WDR45B: variants seen among roughly 807,000 people sequenced by gnomAD.
The protein encoded by WDR45B is WD repeat domain 45B.
Under a neutral mutation model 44.6 loss-of-function variants are expected in WDR45B, and 20 were observed. The ratio of observed to expected loss-of-function variants is 0.45; its 90% CI spans 0.32 to 0.65. WDR45B has a LOEUF of 0.65. Ranked by LOEUF, WDR45B falls within the 30% of genes least tolerant of loss-of-function variation. The pLI is 0.05. For synonymous variants in WDR45B, 169 were observed against 164.9 expected, an observed-to-expected ratio of 1.02 and a Z score of -0.19; for missense variants, 323 against 430.2, an observed-to-expected ratio of 0.75 and a Z score of 2.20.
At chr17:82,623,107 T>TA (rs1340213709) in intron 5 of WDR45B, among the ~76,000 whole-genome samples, 1 of 152,144 alleles carries the variant, frequency 6.6e-6, no homozygotes, top group Non-Finnish European at 1.5e-5. Flanking sequence ...AAAGAATTCT[T>TA]ACGGCCGGGC....
chr17:82,629,419 C>T (rs1169840620), intron 3 of WDR45B: 5 of 813,126 alleles, frequency 6.1e-6, no homozygotes, highest in Non-Finnish European at 7.4e-6. Flanking sequence ...GGAACCTCCG[C>T]TGTCCCTTCT....
chr17:82,626,831 G>T, intron 4 of WDR45B: 1 of 301,542 alleles, frequency 3.3e-6, no homozygotes, highest in South Asian at 3.5e-5. Context: ...AACCTTTATT[G>T]AGAGGCAGCA....
In WDR45B at chr17:82,642,238, C is replaced by T. The variant is rs199774863; in HGVS notation, c.142+1711G>A. ...ACGCAAGCAGCAGGCGAACAAGCAT[C>T]CCCACCAAGCTCTGCCCCGACAGAT... is the stretch of plus-strand genomic sequence containing the variant. On this transcript the variant is annotated intron_variant, in intron 2 of 9. Transcript: ENST00000392325. 4.6e-5 allele frequency among the ~76,000 whole-genome samples: 7 copies of T among 152,282 alleles called. No individual in the cohort carries two copies. In the East Asian group the frequency reaches 1.4e-3, roughly 29 times the overall value.
intron 4 of WDR45B, among the ~76,000 whole-genome samples, chr17:82,626,537 A>AAAG (rs1167994368): frequency 1.2e-4 from 10 of 82,034 alleles, no homozygotes; most frequent in African/African-American, 3.2e-4. Context: ...ATCTCCCAAA[A>AAAG]AAAAAAAAAA....
intron 1 of WDR45B, among the ~76,000 whole-genome samples, 179 bp downstream of exon 1, chr17:82,648,095 C>T (rs1359089721): frequency 1.3e-5 from 2 of 149,508 alleles, no homozygotes; most frequent in Admixed American, 6.7e-5. Flanking sequence ...GACCCCGGCT[C>T]GGGCTGGGAG....
intron 8 of WDR45B, 145 bp downstream of exon 8, chr17:82,617,151 T>C (rs2045548075): frequency 2.9e-5 from 22 of 771,518 alleles, no homozygotes; most frequent in Admixed American, 1.9e-4. Context: ...AATATAAAAT[T>C]AAATGAAAAA....
At chr17:82,621,515 C>G in intron 6 of WDR45B, 94 bp downstream of exon 6, 1 of 1,547,336 alleles carries the variant, frequency 6.5e-7, no homozygotes, top group Admixed American at 1.7e-5. Context: ...GGGGCAGGCC[C>G]ACTGCCTTTT....
chr17:82,628,181 T>C (rs989520129), intron 3 of WDR45B, among the ~76,000 whole-genome samples: 1 of 152,112 alleles, frequency 6.6e-6, no homozygotes, highest in Non-Finnish European at 1.5e-5. Context: ...TTGGTAGAGA[T>C]GGGGTTTTAC....
At chr17:82,626,214 C>T (rs562685280) in intron 4 of WDR45B, among the ~76,000 whole-genome samples, 2 of 150,688 alleles carry the variant, frequency 1.3e-5, no homozygotes, top group East Asian at 2.0e-4. Context: ...TAAATATTGA[C>T]GTTATTAAAA....
intron 2 of WDR45B, among the ~76,000 whole-genome samples, chr17:82,634,082 C>T (rs2045802363): frequency 1.6e-5 from 2 of 128,024 alleles, no homozygotes; most frequent in Admixed American, 1.0e-4. Context: ...ACCCGGGAAG[C>T]GGACGTTGCA....
chr17:82,636,283 GACAA>G lies in WDR45B; in HGVS notation c.143-5265_143-5262del, dbSNP rs1377435758. Reference sequence around the variant, plus strand: ...CTCAAAAAAAAAAAAAAAAAAAGAAGACAAACACAGTCAGTCACAGGCACAGTTA... The same window carrying G: ...CTCAAAAAAAAAAAAAAAAAAAGAAGACACAGTCAGTCACAGGCACAGTTA... On this transcript the variant is annotated intron_variant, in intron 2 of 9. Transcript: ENST00000392325. Among the ~76,000 whole-genome samples, 116 of 133,254 alleles carry G rather than the reference GACAA, an allele frequency of 8.7e-4. 2 individuals carry two copies. The highest frequency in any genetic ancestry group is 3.2e-3 in the African/African-American group (113 of 34,838). 87.4% of individuals were successfully genotyped at this position (133,254 alleles called of 152,430 possible). A position where few individuals can be genotyped will look rare whatever the true frequency, so the allele number is the denominator to read the frequency against.
chr17:82,632,811 T>C (rs1156886631), intron 2 of WDR45B, among the ~76,000 whole-genome samples: 1 of 152,130 alleles, frequency 6.6e-6, no homozygotes, highest in East Asian at 1.9e-4. Context: ...GAGGACTGCT[T>C]GAGCCCAAGA....
chr17:82,646,129 A>C (rs2045972020), intron 1 of WDR45B, among the ~76,000 whole-genome samples: 1 of 151,370 alleles, frequency 6.6e-6, no homozygotes. Context: ...GAAAAAGAAA[A>C]AAAAAAAGAT....
At chr17:82,641,633 A>G (rs891492631) in intron 2 of WDR45B, among the ~76,000 whole-genome samples, 1 of 152,196 alleles carries the variant, frequency 6.6e-6, no homozygotes, top group African/African-American at 2.4e-5. Flanking sequence ...GCGGTGGCTC[A>G]TGCCTGTAAT....
intron 4 of WDR45B, 134 bp downstream of exon 4, chr17:82,627,070 T>C (rs1179463726): frequency 1.7e-5 from 14 of 803,198 alleles, no homozygotes; most frequent in Non-Finnish European, 2.6e-5. Flanking sequence ...TATATCCTTA[T>C]GGTCATAAAA....
intron 1 of WDR45B, among the ~76,000 whole-genome samples, chr17:82,646,344 A>C (rs1485203841): frequency 6.6e-6 from 1 of 150,760 alleles, no homozygotes; most frequent in South Asian, 2.1e-4. Context: ...AAAATTAGCC[A>C]GGCATGGTGG....
intron 2 of WDR45B, among the ~76,000 whole-genome samples, chr17:82,642,401 CCCT>C (rs905802984): frequency 3.3e-5 from 5 of 152,152 alleles, no homozygotes; most frequent in Admixed American, 1.3e-4. Context: ...GAAACCATCC[CCCT>C]ATGAAAAAAA....
intron 3 of WDR45B, among the ~76,000 whole-genome samples, chr17:82,628,388 G>A (rs750699793): frequency 1.2e-4 from 18 of 152,038 alleles, no homozygotes; most frequent in Non-Finnish European, 1.3e-4. Flanking sequence ...TGTTCTAAGG[G>A]CTAATGTACC....
chr17:82,623,905 C>T (rs1366005192), intron 5 of WDR45B, among the ~76,000 whole-genome samples: 2 of 151,948 alleles, frequency 1.3e-5, no homozygotes, highest in African/African-American at 2.4e-5. Context: ...CACACACGCA[C>T]GGAACGGCTA....
Sources: gnomAD v4.1 joint callset for allele counts (sites outside exome capture counted in the v4.1 genomes callset) on GRCh38, gnomAD v4.1.1 for gene constraint, MANE v1.5 for transcripts, NCBI Gene and HGNC (gene_info 2026-07-23, HGNC 2026-07-21) for gene names.